The following RREB1 variants were observed in gnomAD, a reference collection of about 807,000 sequenced individuals.
The protein encoded by RREB1 is ras-responsive element-binding protein 1.
In RREB1, 27 loss-of-function variants were observed where a neutral mutation model predicts 117.8. The ratio of observed to expected loss-of-function variants is 0.23; its 90% CI spans 0.17 to 0.32. The LOEUF (loss-of-function observed/expected upper bound fraction) is 0.32. RREB1 is among the 10% of genes least tolerant of loss of function. The probability of loss-of-function intolerance (pLI) is 1.00; values close to 1 mark genes in which losing one functional copy is unlikely to be tolerated. For missense variants in RREB1, 2,577 were observed against 2,378.2 expected (o/e 1.08, Z -1.74); for synonymous variants, 1,298 against 1,026.7 (o/e 1.26, Z -5.05).
At chr6:7,166,166 C>T (rs749007217) in intron 1 of RREB1, among the ~76,000 whole-genome samples, 3 of 152,188 alleles carry the variant, frequency 2.0e-5, no homozygotes, top group Admixed American at 6.5e-5. Flanking sequence ...ACTCCCACCC[C>T]CAACTGCCAG....
At chr6:7,232,798 C>G (rs963086765) in intron 10 of RREB1, among the ~76,000 whole-genome samples, 15 of 144,450 alleles carry the variant, frequency 1.0e-4, no homozygotes, top group African/African-American at 3.9e-4. Flanking sequence ...AAGAGTCTCA[C>G]TATATTGCTC....
intron 1 of RREB1, among the ~76,000 whole-genome samples, chr6:7,126,367 C>G (rs935992820): frequency 6.6e-6 from 1 of 151,964 alleles, no homozygotes; most frequent in African/African-American, 2.4e-5. Context: ...CTCCCAGGTT[C>G]AAGCGATTCT....
intron 1 of RREB1, among the ~76,000 whole-genome samples, chr6:7,120,862 C>T (rs1761648870): frequency 6.7e-6 from 1 of 148,406 alleles, no homozygotes; most frequent in Non-Finnish European, 1.5e-5. Flanking sequence ...TTCTGTCACC[C>T]AGGCTGGAGT....
At chr6:7,173,062 T>C (rs1764302893) in intron 1 of RREB1, among the ~76,000 whole-genome samples, 1 of 152,170 alleles carries the variant, frequency 6.6e-6, no homozygotes, top group Admixed American at 6.5e-5. Flanking sequence ...AACTAGGCTC[T>C]TACATAGTAT....
intron 6 of RREB1, among the ~76,000 whole-genome samples, chr6:7,201,636 T>C (rs933473372): frequency 3.3e-5 from 5 of 152,084 alleles, no homozygotes; most frequent in Admixed American, 2.6e-4. Context: ...TCAGCTTCTC[T>C]TGGGGCTCTG....
intron 6 of RREB1, among the ~76,000 whole-genome samples, chr6:7,208,478 C>T (rs1766396756): frequency 6.6e-6 from 1 of 152,206 alleles, no homozygotes; most frequent in African/African-American, 2.4e-5. Flanking sequence ...GCTGGAAGGA[C>T]AAAGCAGGAA....
chr6:7,249,028 G>T lies in RREB1; in HGVS notation c.*60G>T. On this transcript the variant is annotated 3_prime_UTR_variant, in exon 13 of 13. Transcript: ENST00000379938. ...GCAGAGCAAAGCGTCTATACTTCAT[G>T]GGGTTTCCTCAGTGCCCTTTGGCTG... 1.5e-6 allele frequency: 2 copies of T among 1,340,700 alleles called. No individual in the cohort carries two copies. The highest frequency in any genetic ancestry group is 2.0e-6 in the Non-Finnish European group (2 of 1,014,100). The allele number at this position is 1,340,700 out of a possible 1,614,324, so 83.1% of individuals were successfully genotyped here.
chr6:7,168,879 T>G (rs1420206496), intron 1 of RREB1, among the ~76,000 whole-genome samples: 2 of 151,846 alleles, frequency 1.3e-5, no homozygotes, highest in African/African-American at 2.4e-5. Flanking sequence ...GCTCCGCCCT[T>G]TAAGAGCTGT....
chr6:7,171,331 T>A (rs1581485638), intron 1 of RREB1, among the ~76,000 whole-genome samples: 1 of 152,146 alleles, frequency 6.6e-6, no homozygotes, highest in South Asian at 2.1e-4. Flanking sequence ...TCCGCCTTCC[T>A]GCCTTGACGG....
At chr6:7,224,262 T>C (rs1477395959) in intron 8 of RREB1, among the ~76,000 whole-genome samples, 2 of 152,250 alleles carry the variant, frequency 1.3e-5, no homozygotes, top group Non-Finnish European at 2.9e-5. Flanking sequence ...AGATATCCTA[T>C]GTTTTATTTA....
chr6:7,163,982 C>T (rs1179390918), intron 1 of RREB1, among the ~76,000 whole-genome samples: 1 of 152,194 alleles, frequency 6.6e-6, no homozygotes, highest in Non-Finnish European at 1.5e-5. Flanking sequence ...AGCCAGTCAG[C>T]TGGCTCCTGT....
At chr6:7,138,007 A>G (rs1762417551) in intron 1 of RREB1, among the ~76,000 whole-genome samples, 1 of 152,122 alleles carries the variant, frequency 6.6e-6, no homozygotes, top group African/African-American at 2.4e-5. Flanking sequence ...AAGATTAATA[A>G]TGTTAACTGA....
chr6:7,151,430 C>T (rs879290152), intron 1 of RREB1, among the ~76,000 whole-genome samples: 9 of 152,178 alleles, frequency 5.9e-5, no homozygotes, highest in Admixed American at 1.3e-4. Flanking sequence ...TACAAACCAG[C>T]CCCCAGGAGC....
intron 12 of RREB1, 46 bp downstream of exon 12, chr6:7,247,267 C>A: frequency 6.5e-7 from 1 of 1,546,688 alleles, no homozygotes; most frequent in Non-Finnish European, 8.7e-7. Context: ...AGGAGGCGAG[C>A]CGGGCACCTC....
chr6:7,178,023 C>G (rs1764595678), intron 2 of RREB1, among the ~76,000 whole-genome samples: 1 of 151,822 alleles, frequency 6.6e-6, no homozygotes, highest in Non-Finnish European at 1.5e-5. Context: ...GTGCCCGGCC[C>G]CGGCTGATTT....
At chr6:7,213,822 A>G (rs1235495340) in intron 8 of RREB1, 1 of 152,220 alleles carries the variant, frequency 6.6e-6, no homozygotes, top group Non-Finnish European at 1.5e-5. Flanking sequence ...TGTATACTTC[A>G]TCTCACTTCA....
At chr6:7,228,863 G>GAACT in intron 9 of RREB1, 134 bp from the exon 10 acceptor site, 1 of 769,524 alleles carries the variant, frequency 1.3e-6, no homozygotes, top group Non-Finnish European at 1.8e-6. Context: ...CCCAGGCTGG[G>GAACT]AACTCTTTAT....
intron 1 of RREB1, among the ~76,000 whole-genome samples, chr6:7,118,875 C>T (rs1268797206): frequency 7.6e-6 from 1 of 131,850 alleles, no homozygotes; most frequent in Non-Finnish European, 1.5e-5. Context: ...TCTCAAACTG[C>T]TGACCTCAGG....
At position 7,242,388 on chromosome 6, in the gene RREB1, AC is replaced by A. The variant is rs2113174458; in HGVS notation, c.3973+1790del. 2.0e-5 allele frequency among the ~76,000 whole-genome samples: 3 copies of A among 152,020 alleles called. No individual in the cohort carries two copies. In the South Asian group the frequency reaches 6.2e-4, roughly 32 times the overall value. On this transcript the variant is annotated intron_variant, in intron 11 of 12. Coordinates refer to ENST00000379938, the MANE Select transcript of RREB1 (RefSeq NM_001003699.4). ...CAAAGCCCTTTCCCACCTCCACCCC[AC>A]CCCGGAAGTTATATAGGGTTCCTTG...
Sources: gnomAD v4.1 joint callset for allele counts (sites outside exome capture counted in the v4.1 genomes callset) on GRCh38, gnomAD v4.1.1 for gene constraint, MANE v1.5 for transcripts, NCBI Gene and HGNC (gene_info 2026-07-23, HGNC 2026-07-21) for gene names.